WLS: variants seen among roughly 807,000 people sequenced by gnomAD.
WLS encodes protein wntless homolog.
A neutral mutation model predicts 62.8 loss-of-function variants in WLS; 23 were observed. That is an observed-to-expected ratio of 0.37 (90% CI 0.26 to 0.52). The LOEUF (loss-of-function observed/expected upper bound fraction) is 0.52, where lower values mean the gene tolerates loss of function less well. WLS is among the 20% of genes least tolerant of loss of function. WLS has a pLI of 0.92. For missense variants in WLS, 615 were observed against 697.3 expected, an observed-to-expected ratio of 0.88 and a Z score of 1.33; for synonymous variants, 246 against 244.1, an observed-to-expected ratio of 1.01 and a Z score of -0.07.
chr1:68,227,211 C>T (rs1207534549), intron 1 of WLS, among the ~76,000 whole-genome samples: 2 of 151,962 alleles, frequency 1.3e-5, no homozygotes, highest in Non-Finnish European at 2.9e-5. Flanking sequence ...CCGGCCAACC[C>T]GGTGAAACCC....
chr1:68,201,304 G>C (rs192877248), intron 1 of WLS, among the ~76,000 whole-genome samples: 80 of 152,290 alleles, frequency 5.3e-4, no homozygotes, highest in Non-Finnish European at 2.1e-4. Flanking sequence ...TAATTAGAAT[G>C]AGCTCTTCAA....
chr1:68,108,155 G>A (rs181206258), intron 11 of WLS, among the ~76,000 whole-genome samples: 2 of 152,270 alleles, frequency 1.3e-5, no homozygotes, highest in East Asian at 3.9e-4. Context: ...CTGTGCTGTG[G>A]GTGGGGCAGG....
intron 2 of WLS, among the ~76,000 whole-genome samples, chr1:68,175,248 T>C (rs1299340754): frequency 6.6e-6 from 1 of 152,244 alleles, no homozygotes; most frequent in East Asian, 1.9e-4. Context: ...CTACTATGTG[T>C]AGACATTTTC....
intron 2 of WLS, among the ~76,000 whole-genome samples, chr1:68,172,306 ATAATT>A (rs1647165964): frequency 9.3e-6 from 1 of 107,354 alleles, no homozygotes; most frequent in Non-Finnish European, 2.0e-5. Flanking sequence ...AACTTAAAGT[ATAATT>A]AAAAAAAAAA....
chr1:68,117,314 A>G (rs1208352475), intron 11 of WLS: 8 of 152,224 alleles, frequency 5.3e-5, no homozygotes, highest in Admixed American at 5.2e-4. Flanking sequence ...ACAACATGTA[A>G]TTTGATAACT....
At chr1:68,185,365 A>G (rs1476353445) in intron 2 of WLS, among the ~76,000 whole-genome samples, 1 of 152,224 alleles carries the variant, frequency 6.6e-6, no homozygotes, top group East Asian at 1.9e-4. Flanking sequence ...ATGAACAACC[A>G]GATAAAAGAT....
intron 11 of WLS, among the ~76,000 whole-genome samples, chr1:68,107,612 C>T (rs755090242): frequency 6.6e-6 from 1 of 150,794 alleles, no homozygotes; most frequent in Admixed American, 6.6e-5. Flanking sequence ...TCAACTGTAC[C>T]TCACTCTGAG....
At chr1:68,161,471 A>G (rs1292213864) in intron 2 of WLS, among the ~76,000 whole-genome samples, 2 of 152,222 alleles carry the variant, frequency 1.3e-5, no homozygotes, top group Non-Finnish European at 2.9e-5. Flanking sequence ...TGATAAAGGA[A>G]AAAGCTCTAT....
chr1:68,214,199 A>ACACACACACATG (rs1553137305), intron 1 of WLS, among the ~76,000 whole-genome samples: 3 of 151,832 alleles, frequency 2.0e-5, no homozygotes, highest in African/African-American at 7.3e-5. Flanking sequence ...ACACACACAC[A>ACACACACACATG]CACACACACA....
chr1:68,102,596 A>G (rs758357453), intron 11 of WLS: 13 of 152,168 alleles, frequency 8.5e-5, no homozygotes, highest in African/African-American at 2.9e-4. Context: ...TCAACAACCA[A>G]TAAAGGTCCT....
At chr1:68,152,145 G>C (rs940580335) in intron 5 of WLS, among the ~76,000 whole-genome samples, 4 of 152,198 alleles carry the variant, frequency 2.6e-5, no homozygotes, top group Admixed American at 2.6e-4. Flanking sequence ...GATCCTGGGA[G>C]GGAATAGGTT....
At position 68,136,825 on chromosome 1, in the gene WLS, G is replaced by A. The variant is rs149418222; in HGVS notation, c.1516+955C>T. Among the ~76,000 whole-genome samples the A allele has an allele frequency of 1.4e-3, 207 of 152,340 alleles. 4 individuals carry two copies. Among genetic ancestry groups the A allele is most frequent in the Middle Eastern group, 3.4e-3 (1 of 294 alleles). Reference sequence around the variant, plus strand: ...TCCACTCATGCAACACACACTCACTGAGTACTTCCTAAAGGTGAGGCCAAC... The same window carrying A: ...TCCACTCATGCAACACACACTCACTAAGTACTTCCTAAAGGTGAGGCCAAC... On this transcript the variant is annotated intron_variant, in intron 11 of 11. Transcript: ENST00000262348.
At chr1:68,225,792 A>G (rs367784068) in intron 1 of WLS, among the ~76,000 whole-genome samples, 84 of 152,032 alleles carry the variant, frequency 5.5e-4, no homozygotes, top group African/African-American at 1.9e-3. Flanking sequence ...AACCTCTCCA[A>G]CCTCCACTGA....
At chr1:68,167,831 C>T (rs753378529) in intron 2 of WLS, among the ~76,000 whole-genome samples, 3 of 152,122 alleles carry the variant, frequency 2.0e-5, no homozygotes, top group Non-Finnish European at 4.4e-5. Flanking sequence ...CACTGTCGTT[C>T]GTTACACTTA....
chr1:68,187,189 C>CAAAAAAAAAAAAAA (rs34130992), intron 2 of WLS, among the ~76,000 whole-genome samples: 7 of 57,168 alleles, frequency 1.2e-4, no homozygotes, highest in East Asian at 5.2e-4. Context: ...ACTCCATCTC[C>CAAAAAAAAAAAAAA]AAAAAAAAAA....
intron 1 of WLS, among the ~76,000 whole-genome samples, chr1:68,216,807 A>G (rs1649747932): frequency 6.6e-6 from 1 of 152,222 alleles, no homozygotes; most frequent in Non-Finnish European, 1.5e-5. Context: ...GATTCTAAAG[A>G]TATAAACTTC....
At chr1:68,152,090 A>T (rs910567662) in intron 5 of WLS, among the ~76,000 whole-genome samples, 1 of 152,216 alleles carries the variant, frequency 6.6e-6, no homozygotes, top group Admixed American at 6.5e-5. Flanking sequence ...CTACATTTCC[A>T]GTCTGAACAA....
chr1:68,230,110 TAGCATCCCAGA>T (rs1235879332), intron 1 of WLS, among the ~76,000 whole-genome samples: 1 of 152,064 alleles, frequency 6.6e-6, no homozygotes, highest in Non-Finnish European at 1.5e-5. Context: ...TCCTTGGTGG[TAGCATCCCAGA>T]AATCCTACTA....
At chr1:68,176,302 G>A (rs547811531) in intron 2 of WLS, 1 of 137,930 alleles carries the variant, frequency 7.3e-6, no homozygotes, top group East Asian at 1.9e-4. Context: ...AAAAGCAAAA[G>A]GGAGTCAGAT....
Sources: gnomAD v4.1 joint callset for allele counts (sites outside exome capture counted in the v4.1 genomes callset) on GRCh38, gnomAD v4.1.1 for gene constraint, MANE v1.5 for transcripts, NCBI Gene and HGNC (gene_info 2026-07-23, HGNC 2026-07-21) for gene names.